SLC30A9: variants seen among roughly 807,000 people sequenced by gnomAD.
The protein encoded by SLC30A9 is proton-coupled zinc antiporter SLC30A9, mitochondrial.
In SLC30A9, 58 loss-of-function variants were observed where a neutral mutation model predicts 87.5. The ratio of observed to expected loss-of-function variants is 0.66; its 90% CI spans 0.54 to 0.82. The LOEUF is 0.82. Among genes scored for constraint, SLC30A9 ranks in the 40% least tolerant of loss-of-function variants. SLC30A9 has a pLI of 0.00. For synonymous variants in SLC30A9, 234 were observed against 233.0 expected, an observed-to-expected ratio of 1.00 and a Z score of -0.04; for missense variants, 557 against 679.1, an observed-to-expected ratio of 0.82 and a Z score of 2.00.
At chr4:42,011,772 A>G (rs1318412150) in intron 2 of SLC30A9, among the ~76,000 whole-genome samples, 4 of 152,256 alleles carry the variant, frequency 2.6e-5, no homozygotes, top group Non-Finnish European at 4.4e-5. Context: ...TATTCATTAA[A>G]AATGACAGGG....
intron 6 of SLC30A9, 97 bp from the exon 7 acceptor site, chr4:42,035,178 C>T (rs753259240): frequency 3.4e-5 from 41 of 1,216,304 alleles, no homozygotes; most frequent in Admixed American, 1.2e-4. Flanking sequence ...TAGCTAGTAG[C>T]GCATATTTAA....
At chr4:42,005,489 C>G (rs576660470) in intron 2 of SLC30A9, among the ~76,000 whole-genome samples, 1 of 152,268 alleles carries the variant, frequency 6.6e-6, no homozygotes, top group East Asian at 1.9e-4. Flanking sequence ...TTATTTATTT[C>G]TAGTTCATAG....
chr4:42,012,014 A>G (rs1038896370), intron 2 of SLC30A9, among the ~76,000 whole-genome samples: 2 of 145,942 alleles, frequency 1.4e-5, no homozygotes, highest in Non-Finnish European at 3.0e-5. Flanking sequence ...TCTAGCCTAC[A>G]TTTAATAGGT....
At chr4:41,995,133 G>A (rs566409417) in intron 1 of SLC30A9, among the ~76,000 whole-genome samples, 5 of 152,126 alleles carry the variant, frequency 3.3e-5, no homozygotes, top group Admixed American at 3.3e-4. Context: ...GGTGGCAGGC[G>A]CCTGTAATCC....
At position 42,075,564 on chromosome 4, in the gene SLC30A9, G is replaced by GA. The variant is rs952119805; in HGVS notation, c.1419-86dup. The GA allele has an allele frequency of 1.7e-5, 21 of 1,201,766 alleles. No homozygotes were observed. In the South Asian group the frequency reaches 2.8e-4, roughly 16 times the overall value. The allele number at this position is 1,201,766 out of a possible 1,614,324, so 74.4% of individuals were successfully genotyped here. On this transcript the variant is annotated intron_variant, in intron 15 of 17. Transcript: ENST00000264451. The stretch of plus-strand genomic sequence containing the variant: ...TTAGTCCATTCTCGTAACTAGTGGG[G>GA]AAAAAAACAATAATTCAAGCCTTTG...
At chr4:42,083,346 T>A (rs2153141647) in intron 17 of SLC30A9, among the ~76,000 whole-genome samples, 1 of 152,358 alleles carries the variant, frequency 6.6e-6, no homozygotes, top group East Asian at 1.9e-4. Context: ...ATATAGATTT[T>A]AAAGTATTTG....
At chr4:42,018,540 C>A in intron 3 of SLC30A9, 1 of 700,446 alleles carries the variant, frequency 1.4e-6, no homozygotes, top group Non-Finnish European at 1.9e-6. Flanking sequence ...ACTTTATTTT[C>A]TAGGAGAAAT....
chr4:42,033,480 A>G (rs1716534464), intron 6 of SLC30A9, among the ~76,000 whole-genome samples: 1 of 152,144 alleles, frequency 6.6e-6, no homozygotes, highest in Non-Finnish European at 1.5e-5. Flanking sequence ...TTCCTTACCA[A>G]AAATTTAAAA....
intron 9 of SLC30A9, among the ~76,000 whole-genome samples, chr4:42,055,650 A>G (rs192716163): frequency 6.6e-6 from 1 of 152,358 alleles, no homozygotes; most frequent in African/African-American, 2.4e-5. Flanking sequence ...AATATTGCAC[A>G]TCGTATCATT....
At chr4:42,059,866 A>G (rs565399060) in intron 9 of SLC30A9, among the ~76,000 whole-genome samples, 1 of 152,320 alleles carries the variant, frequency 6.6e-6, no homozygotes, top group East Asian at 1.9e-4. Flanking sequence ...ATGTCAGTAT[A>G]GAAAGCTCTA....
chr4:42,022,537 T>C (rs952102563), intron 4 of SLC30A9, among the ~76,000 whole-genome samples: 4 of 152,166 alleles, frequency 2.6e-5, no homozygotes, highest in African/African-American at 9.7e-5. Flanking sequence ...TTTCCCCATA[T>C]ATTAGAGATG....
At chr4:41,996,664 G>A (rs1007915675) in intron 1 of SLC30A9, among the ~76,000 whole-genome samples, 2 of 152,160 alleles carry the variant, frequency 1.3e-5, no homozygotes, top group African/African-American at 4.8e-5. Context: ...AACCACCTGA[G>A]GCTGGGGAGG....
At chr4:42,038,342 C>T (rs942380799) in intron 7 of SLC30A9, among the ~76,000 whole-genome samples, 8 of 151,932 alleles carry the variant, frequency 5.3e-5, no homozygotes, top group Admixed American at 1.3e-4. Context: ...CCTGTTTTGC[C>T]CCTCCCATGA....
In SLC30A9 at chr4:42,001,735, G is replaced by C. The variant is rs1714993857; in HGVS notation, c.229G>C (p.Gly77Arg). 1 of 1,610,796 alleles carries C rather than the reference G, an allele frequency of 6.2e-7. No individual in the cohort carries two copies. The highest frequency in any genetic ancestry group is 1.3e-5 in the African/African-American group (1 of 74,696). The change falls in exon 2 of 18, where the codon GGA becomes CGA. Residue 77 changes from glycine (G) to arginine (R), a missense_variant. Physicochemically the swap from Gly to Arg is moderately radical, Grantham distance 125. This residue lies in a region of SLC30A9 where 467 missense variants were observed against 529.8 expected (regional missense o/e 0.88). Transcript: ENST00000264451. ...CACAAATGTTCAGAAAGAAGGACAG[G>C]GATCACAAACACTCAGAGTGGAAAA... ...YSTNVQKEGQ[G>R]SQTLRVEKVP...
chr4:42,011,593 T>C (rs1715447293), intron 2 of SLC30A9, among the ~76,000 whole-genome samples: 1 of 152,212 alleles, frequency 6.6e-6, no homozygotes, highest in African/African-American at 2.4e-5. Context: ...ATATACCCTA[T>C]TCAGGGTAAG....
chr4:42,018,702 T>C (rs1266496062), intron 3 of SLC30A9, among the ~76,000 whole-genome samples: 1 of 152,214 alleles, frequency 6.6e-6, no homozygotes, highest in Admixed American at 6.5e-5. Flanking sequence ...GCTCCAGTGC[T>C]TACCAGCTGG....
intron 6 of SLC30A9, among the ~76,000 whole-genome samples, chr4:42,030,703 G>A (rs1364422543): frequency 6.6e-6 from 1 of 151,868 alleles, no homozygotes; most frequent in Non-Finnish European, 1.5e-5. Flanking sequence ...TTTCTCCTGG[G>A]AATGGGACAG....
chr4:42,088,399 G>A lies in SLC30A9; in HGVS notation c.*2273G>A, dbSNP rs138032037. 1.5e-3 allele frequency: 224 copies of A among 152,426 alleles called. No homozygotes were observed. Among genetic ancestry groups the A allele is most frequent in the African/African-American group, 5.0e-3 (206 of 41,552 alleles). 9.4% of individuals were successfully genotyped at this position (152,426 alleles called of 1,614,324 possible). ...ATCTCTACTAAAAAAAGTTAGCCGG[G>A]TGTGGTGGTGCTCACCTGTGTTAGT... On this transcript the variant is annotated 3_prime_UTR_variant, in exon 18 of 18. Coordinates refer to ENST00000264451, the MANE Select transcript of SLC30A9 (RefSeq NM_006345.4).
At chr4:42,044,984 G>A (rs1371595201) in intron 8 of SLC30A9, among the ~76,000 whole-genome samples, 1 of 152,114 alleles carries the variant, frequency 6.6e-6, no homozygotes, top group East Asian at 1.9e-4. Context: ...CTAAATTAAG[G>A]CAGAAATAAA....
Sources: gnomAD v4.1 joint callset for allele counts (sites outside exome capture counted in the v4.1 genomes callset) on GRCh38, gnomAD v4.1.1 for gene constraint, gnomAD v4.1.1 regional missense constraint, MANE v1.5 for transcripts, NCBI Gene and HGNC (gene_info 2026-07-23, HGNC 2026-07-21) for gene names.